Variants in ZNF816 observed in about 807,000 individuals in gnomAD.
The protein encoded by ZNF816 is zinc finger protein 816.
ZNF816 carries 11 observed loss-of-function variants against 8.3 expected under a neutral mutation model. The ratio of observed to expected loss-of-function variants is 1.32; its 90% CI spans 0.83 to 2.19. The LOEUF is 2.19. Among genes scored for constraint, ZNF816 ranks in the 30% most tolerant of loss-of-function variants. ZNF816 has a pLI of 0.00. For missense variants in ZNF816, 710 were observed against 779.3 expected (o/e 0.91, Z 1.06); for synonymous variants, 255 against 254.5 (o/e 1.00, Z -0.02).
intron 1 of ZNF816, among the ~76,000 whole-genome samples, chr19:52,960,699 T>C (rs1390649993): frequency 1.3e-5 from 2 of 151,954 alleles, no homozygotes; most frequent in Admixed American, 6.6e-5. Flanking sequence ...ACGTAGCCCC[T>C]GTGTGCCCCC....
chr19:52,954,701 G>A (rs1600722798), intron 2 of ZNF816, among the ~76,000 whole-genome samples: 1 of 150,200 alleles, frequency 6.7e-6, no homozygotes, highest in Non-Finnish European at 1.5e-5. Flanking sequence ...GCACGCATCT[G>A]TAAATGCAGC....
chr19:52,952,431 T>G, intron 3 of ZNF816: 1 of 443,010 alleles, frequency 2.3e-6, no homozygotes. Context: ...TGTCAATCAG[T>G]GTCATGCTTT....
Position 52,957,042 on chromosome 19 carries a change from C to T in ZNF816, c.-15-938G>A, listed in dbSNP as rs770743835. On this transcript the variant is annotated intron_variant, in intron 1 of 3. Coordinates refer to ENST00000444460, the MANE Select transcript of ZNF816 (RefSeq NM_001202457.3). This position sits in a 1 kb window ranked among gnomAD's most constrained non-coding sequence, Gnocchi z 4.6. ...TGCTTGATCTATCATGACCCTTTCA[C>T]GTGGATGCCTTAGAGCTGTAAGCCC... Among the ~76,000 whole-genome samples, 18 of 152,208 alleles carry T rather than the reference C, an allele frequency of 1.2e-4. No homozygotes were observed. Among genetic ancestry groups the T allele is most frequent in the Admixed American group, 7.2e-4 (11 of 15,262 alleles).
Position 52,950,584 on chromosome 19 carries a change from G to T in ZNF816, c.1191C>A (p.Tyr397Ter), listed in dbSNP as rs1253721445. 2.5e-6 allele frequency: 4 copies of T among 1,614,154 alleles called. No homozygotes were observed. The highest frequency in any genetic ancestry group is 3.4e-6 in the Non-Finnish European group (4 of 1,180,032). ...AAACATTGTCACATTCTTCACATTTGTAAGGTTTCTCTCCAGTGTGAAGTA... is the reference window on the plus strand; with the variant it reads ...AAACATTGTCACATTCTTCACATTTTTAAGGTTTCTCTCCAGTGTGAAGTA... ...HHILHTGEKP[Y>*]KCEECDNVYI... The change falls in exon 4 of 4, where the codon TAC (tyrosine) becomes TAA (stop). Residue 397 changes from tyrosine (Y) to a stop codon, truncating the protein, a stop_gained. Coordinates refer to ENST00000444460, the MANE Select transcript of ZNF816 (RefSeq NM_001202457.3). LOFTEE classifies it low-confidence loss of function (END_TRUNC).
At chr19:52,954,335 G>A (rs1034291684) in intron 2 of ZNF816, among the ~76,000 whole-genome samples, 15 of 151,992 alleles carry the variant, frequency 9.9e-5, no homozygotes, top group Non-Finnish European at 1.9e-4. Flanking sequence ...ACTCCAGCCT[G>A]GGCCACAAGA....
chr19:52,955,558 C>T (rs1440561098), intron 2 of ZNF816, among the ~76,000 whole-genome samples: 7 of 152,242 alleles, frequency 4.6e-5, no homozygotes, highest in Non-Finnish European at 7.3e-5. Flanking sequence ...CATATTGACT[C>T]ACTAGTGTAG....
intron 1 of ZNF816, among the ~76,000 whole-genome samples, chr19:52,959,227 CA>C (rs1190932578): frequency 2.6e-5 from 4 of 152,184 alleles, no homozygotes; most frequent in Non-Finnish European, 2.9e-5. Context: ...TAATGAATAC[CA>C]AAAGACATCA....
At position 52,950,161 on chromosome 19, in the gene ZNF816, T is replaced by C; in HGVS notation, c.1614A>G (p.Lys538=). 6.2e-7 allele frequency: 1 copy of C among 1,613,790 alleles called. No homozygotes were observed. The highest frequency in any genetic ancestry group is 8.5e-7 in the Non-Finnish European group (1 of 1,179,912). Reference sequence around the variant, plus strand: ...GGAAAGCCTTGTCACAAACCTTACATTTGTATGGTTTTTCCCCAGTATGAA... The same window carrying C: ...GGAAAGCCTTGTCACAAACCTTACACTTGTATGGTTTTTCCCCAGTATGAA... ...RRIHTGEKPY[K]CKVCDKAFRS... Residue 538 remains lysine (K), a synonymous_variant, in exon 4 of 4, where the codon AAA becomes AAG. Transcript: ENST00000444460.
At chr19:52,961,519 C>T (rs1269432713) in intron 1 of ZNF816, among the ~76,000 whole-genome samples, 2 of 152,212 alleles carry the variant, frequency 1.3e-5, no homozygotes, top group Admixed American at 6.5e-5. Context: ...AAGCCAACCC[C>T]TCCTGTGCTA....
Position 52,950,266 on chromosome 19 carries a change from A to T in ZNF816, c.1509T>A (p.His503Gln). 1 of 1,612,370 alleles carries T rather than the reference A, an allele frequency of 6.2e-7. No individual in the cohort carries two copies. The highest frequency in any genetic ancestry group is 8.5e-7 in the Non-Finnish European group (1 of 1,179,554). ...RENLARHHRL[H>Q]AGEKPYKCEE... Reference sequence around the variant, plus strand: ...CACATTTGTAAGGTTTCTCTCCAGCATGAAGTCTATGATGACGTGCAAGGT... The same window carrying T: ...CACATTTGTAAGGTTTCTCTCCAGCTTGAAGTCTATGATGACGTGCAAGGT... Residue 503 changes from histidine (H) to glutamine (Q), a missense_variant, in exon 4 of 4, where the codon CAT becomes CAA. Physicochemically the swap from His to Gln is conservative, Grantham distance 24 (BLOSUM62 0). Transcript: ENST00000444460.
At position 52,962,845 on chromosome 19, in the gene ZNF816, G is replaced by T; in HGVS notation, c.-134C>A. On this transcript the variant is annotated 5_prime_UTR_variant, in exon 1 of 4. It introduces an in-frame stop codon into an upstream open reading frame of the 5' UTR. Transcript: ENST00000444460. ...AACTAGGAAACGCACACGCCGCCGT[G>T]CAACTTTCAGTCCACGCCATCCGCT... The T allele has an allele frequency of 6.5e-6, 1 of 152,920 alleles. No homozygotes were observed. The highest frequency in any genetic ancestry group is 1.5e-5 in the Non-Finnish European group (1 of 68,536). 9.5% of individuals were successfully genotyped at this position (152,920 alleles called of 1,614,324 possible). A position where few individuals can be genotyped will look rare whatever the true frequency, so the allele number is the denominator to read the frequency against.
At chr19:52,954,523 TATC>T (rs1486478011) in intron 2 of ZNF816, among the ~76,000 whole-genome samples, 2 of 152,056 alleles carry the variant, frequency 1.3e-5, no homozygotes, top group Admixed American at 1.3e-4. Flanking sequence ...CAGGATAAAA[TATC>T]ATAACAAACA....
At position 52,950,766 on chromosome 19, in the gene ZNF816, C is replaced by T; in HGVS notation, c.1009G>A (p.Gly337Arg). 6.2e-7 allele frequency: 1 copy of T among 1,613,660 alleles called. No homozygotes were observed. Among genetic ancestry groups the T allele is most frequent in the East Asian group, 2.2e-5 (1 of 44,850 alleles). Reference protein sequence around the residue: ...SLRCHRRLHTGEKPYKCNECG... With the variant: ...SLRCHRRLHTREKPYKCNECG... ...TCATTACACTTGTAAGGTTTCTCTCCAGTATGAAGTCTACGATGGCATCTA... is the reference window on the plus strand; with the variant it reads ...TCATTACACTTGTAAGGTTTCTCTCTAGTATGAAGTCTACGATGGCATCTA... The change falls in exon 4 of 4, where the codon GGA becomes AGA. Residue 337 changes from glycine (G) to arginine (R), a missense_variant. By Grantham distance (125) the Gly-to-Arg change is moderately radical. Coordinates refer to ENST00000444460, the MANE Select transcript of ZNF816 (RefSeq NM_001202457.3).
rs749648238 is a variant in ZNF816, at chr19:52,951,367, A to G, written c.408T>C (p.Thr136=). ...TGTGATCACTTCGGTCTGTACTACCAGTCAACTTTTTGATTTTTGTCATGG... is the reference window on the plus strand; with the variant it reads ...TGTGATCACTTCGGTCTGTACTACCGGTCAACTTTTTGATTTTTGTCATGG... ...EAPMTKIKKL[T]GSTDRSDHRH... The change falls in exon 4 of 4, where the codon ACT becomes ACC. Residue 136 remains threonine, a synonymous_variant. Coordinates refer to ENST00000444460, the MANE Select transcript of ZNF816 (RefSeq NM_001202457.3). The G allele has an allele frequency of 3.1e-6, 5 of 1,614,162 alleles. No homozygotes were observed. Among genetic ancestry groups the G allele is most frequent in the Middle Eastern group, 3.3e-4 (2 of 6,058 alleles).
At chr19:52,953,644 A>T (rs1378767188) in intron 2 of ZNF816, among the ~76,000 whole-genome samples, 1 of 138,772 alleles carries the variant, frequency 7.2e-6, no homozygotes, top group East Asian at 2.3e-4. Context: ...ATTATATATA[A>T]TATATATTAC....
Position 52,950,986 on chromosome 19 carries a change from G to T in ZNF816, c.789C>A (p.Gly263=). 6.2e-7 allele frequency: 1 copy of T among 1,614,142 alleles called. No homozygotes were observed. Among genetic ancestry groups the T allele is most frequent in the South Asian group, 1.1e-5 (1 of 91,078 alleles). The part of the protein sequence containing the change: ...REREYKCDVC[G]KIFNQKQYIV... Reference sequence around the variant, plus strand: ...TGTATTGCTTCTGATTAAAGATCTTGCCACATACATCACATTTATATTCTC... The same window carrying T: ...TGTATTGCTTCTGATTAAAGATCTTTCCACATACATCACATTTATATTCTC... Residue 263 remains glycine (G), a synonymous_variant, in exon 4 of 4, where the codon GGC becomes GGA. Transcript: ENST00000444460.
chr19:52,954,267 T>C (rs2083490552), intron 2 of ZNF816, among the ~76,000 whole-genome samples: 1 of 151,934 alleles, frequency 6.6e-6, no homozygotes, highest in Non-Finnish European at 1.5e-5. Flanking sequence ...CATGCCTATA[T>C]TCCCAGCTAC....
chr19:52,955,178 T>C (rs527369751), intron 2 of ZNF816, among the ~76,000 whole-genome samples: 1 of 151,302 alleles, frequency 6.6e-6, no homozygotes, highest in East Asian at 1.9e-4. Flanking sequence ...AGAGTCCCTG[T>C]AAAAAAAACA....
At position 52,950,794 on chromosome 19, in the gene ZNF816, G is replaced by A; in HGVS notation, c.981C>T (p.Ser327=). ...ECGKTFSEKS[S]LRCHRRLHTG... is the part of the protein sequence containing the mutation. ...TATGAAGTCTACGATGGCATCTAAG[G>A]GATGACTTCTCACTGAAGGTCTTGC... Residue 327 remains serine (S), a synonymous_variant, in exon 4 of 4, where the codon TCC becomes TCT. Coordinates refer to ENST00000444460, the MANE Select transcript of ZNF816 (RefSeq NM_001202457.3). 2 of 1,613,518 alleles carry A rather than the reference G, an allele frequency of 1.2e-6. No individual in the cohort carries two copies. Among genetic ancestry groups the A allele is most frequent in the Non-Finnish European group, 1.7e-6 (2 of 1,180,012 alleles).
Sources: gnomAD v4.1 joint callset for allele counts (sites outside exome capture counted in the v4.1 genomes callset) on GRCh38, gnomAD v4.1.1 for gene constraint, Gnocchi (gnomAD v3.1) non-coding constraint, MANE v1.5 for transcripts, NCBI Gene and HGNC (gene_info 2026-07-23, HGNC 2026-07-21) for gene names.